CUL5: variants seen among roughly 807,000 people sequenced by gnomAD.
CUL5 encodes cullin 5, also known as cullin-5.
In CUL5, 26 loss-of-function variants were observed where a neutral mutation model predicts 108.8. The ratio of observed to expected loss-of-function variants is 0.24; its 90% confidence interval spans 0.18 to 0.33. The LOEUF (loss-of-function observed/expected upper bound fraction) is 0.33, where lower values mean the gene tolerates loss of function less well. CUL5 is among the 10% of genes least tolerant of loss of function. The pLI is 1.00. For synonymous variants in CUL5, 334 were observed against 298.0 expected, an observed-to-expected ratio of 1.12 and a Z score of -1.25; for missense variants, 524 against 909.2, an observed-to-expected ratio of 0.58 and a Z score of 5.45.
chr11:108,041,258 C>T (rs1328817388), intron 2 of CUL5, among the ~76,000 whole-genome samples: 1 of 151,748 alleles, frequency 6.6e-6, no homozygotes. Context: ...TTAATAATCT[C>T]ATTAGCTTCT....
At chr11:108,074,844 T>TAGGA (rs1863907895) in intron 10 of CUL5, among the ~76,000 whole-genome samples, 1 of 151,754 alleles carries the variant, frequency 6.6e-6, no homozygotes, top group Non-Finnish European at 1.5e-5. Context: ...AATAAGTAGG[T>TAGGA]AAAGTAGGAA....
intron 7 of CUL5, among the ~76,000 whole-genome samples, chr11:108,060,877 C>G (rs1157726326): frequency 1.3e-5 from 2 of 151,956 alleles, no homozygotes; most frequent in Admixed American, 1.3e-4. Flanking sequence ...CTACCTGTCT[C>G]ACCTTTCATT....
At chr11:108,082,528 T>C (rs1864116241) in intron 11 of CUL5, among the ~76,000 whole-genome samples, 1 of 152,124 alleles carries the variant, frequency 6.6e-6, no homozygotes, top group Admixed American at 6.6e-5. Flanking sequence ...TCTCCCACCT[T>C]AGCCCCTCAA....
chr11:108,099,906 AT>A (rs1264462296), intron 18 of CUL5, among the ~76,000 whole-genome samples: 205 of 146,756 alleles, frequency 1.4e-3, no homozygotes, highest in East Asian at 1.4e-3. Flanking sequence ...CAAAAAAAAA[AT>A]TTTTTTTTTT....
chr11:108,095,131 T>C (rs995884254), intron 15 of CUL5, 144 bp downstream of exon 15: 2 of 656,644 alleles, frequency 3.0e-6, no homozygotes, highest in African/African-American at 3.7e-5. Context: ...TTCATGAAGT[T>C]GATAGGGACA....
intron 14 of CUL5, 32 bp downstream of exon 14, chr11:108,094,546 T>G: frequency 8.7e-7 from 1 of 1,152,142 alleles, no homozygotes. Context: ...TATATATTTT[T>G]TAAACTTAGA....
At chr11:108,073,545 CATA>C in intron 10 of CUL5, 48 bp downstream of exon 10, 4 of 810,030 alleles carry the variant, frequency 4.9e-6, no homozygotes, top group Non-Finnish European at 7.6e-6. Context: ...GTTTTATTCT[CATA>C]ATTTACTTCT....
At position 108,095,512 on chromosome 11, in the gene CUL5, C is replaced by T. The variant is rs761501776; in HGVS notation, c.1744-18C>T. ...CATCATGAGATTCTTTATTAAAAAT[C>T]TGTTTTATCTATTATAGATAACATT... On this transcript the variant is annotated intron_variant, in intron 15 of 18. Transcript: ENST00000393094. 6.8e-7 allele frequency: 1 copy of T among 1,467,292 alleles called. No individual in the cohort carries two copies. Among genetic ancestry groups the T allele is most frequent in the South Asian group, 1.2e-5 (1 of 80,292 alleles). 90.9% of individuals were successfully genotyped at this position (1,467,292 alleles called of 1,614,324 possible). A position where few individuals can be genotyped will look rare whatever the true frequency, so the allele number is the denominator to read the frequency against.
At chr11:108,047,124 C>G (rs771143189) in intron 3 of CUL5, among the ~76,000 whole-genome samples, 1 of 152,008 alleles carries the variant, frequency 6.6e-6, no homozygotes, top group South Asian at 2.1e-4. Flanking sequence ...TTGATACCAG[C>G]CTGGGAAACA....
chr11:108,061,430 A>G (rs376609259), intron 7 of CUL5, among the ~76,000 whole-genome samples: 21 of 152,316 alleles, frequency 1.4e-4, no homozygotes, highest in South Asian at 8.3e-4. Context: ...TTTAATATAT[A>G]GAAATCTATA....
At chr11:108,049,245 TA>T (rs1471491388) in intron 3 of CUL5, among the ~76,000 whole-genome samples, 1 of 10,264 alleles carries the variant, frequency 9.7e-5, no homozygotes, top group Non-Finnish European at 7.9e-3. Context: ...CTTTTGTGAC[TA>T]GTTTTCTTTC....
intron 4 of CUL5, 60 bp from the exon 5 acceptor site, chr11:108,052,600 C>G: frequency 1.4e-6 from 2 of 1,465,020 alleles, no homozygotes; most frequent in Non-Finnish European, 1.9e-6. Context: ...GGTGTTTGTA[C>G]ATGATACTTT....
chr11:108,097,632 A>G lies in CUL5; in HGVS notation c.1906-4A>G, dbSNP rs1864533491. 3 of 1,553,416 alleles carry G rather than the reference A, an allele frequency of 1.9e-6. No individual in the cohort carries two copies. The highest frequency in any genetic ancestry group is 2.7e-6 in the Non-Finnish European group (3 of 1,125,390). On this transcript the variant is annotated splice_region_variant and splice_polypyrimidine_tract_variant and intron_variant, in intron 16 of 18. Transcript: ENST00000393094. ...GCTAATTGTTTTCTCCTTATTCTTC[A>G]TAGTCTTTAGTAGCTTTCCCAAAAC... is the stretch of plus-strand genomic sequence containing the variant.
chr11:108,024,703 CTT>C (rs1215341719), intron 1 of CUL5, among the ~76,000 whole-genome samples: 3 of 152,238 alleles, frequency 2.0e-5, no homozygotes, highest in South Asian at 2.1e-4. Flanking sequence ...CAAAAGAAGT[CTT>C]TTGTACAACA....
intron 1 of CUL5, among the ~76,000 whole-genome samples, chr11:108,021,856 T>C (rs1452023623): frequency 6.6e-6 from 1 of 152,042 alleles, no homozygotes; most frequent in Non-Finnish European, 1.5e-5. Context: ...ACTTTGTTCC[T>C]CAGGCTGGAA....
rs1219679819 is a variant in CUL5 at position 108,106,349 on chromosome 11, T to G, written c.*1965T>G. The G allele has an allele frequency of 2.0e-5, 3 of 152,556 alleles. No homozygotes were observed. Among genetic ancestry groups the G allele is most frequent in the African/African-American group, 7.2e-5 (3 of 41,442 alleles). The allele number at this position is 152,556 out of a possible 1,614,324, so 9.5% of individuals were successfully genotyped here. A position where few individuals can be genotyped will look rare whatever the true frequency, so the allele number is the denominator to read the frequency against. On this transcript the variant is annotated 3_prime_UTR_variant, in exon 19 of 19. Transcript: ENST00000393094. ...CAGAACTTTTTTGGAACTTCTAATT[T>G]TGGGTCATTTAATTTAAGAATGAGA...
chr11:108,050,635 T>G (rs1374021017), intron 4 of CUL5, among the ~76,000 whole-genome samples: 1 of 152,218 alleles, frequency 6.6e-6, no homozygotes. Context: ...CCGAAACTGT[T>G]GGAATTACAG....
chr11:108,094,745 C>A, intron 14 of CUL5, 67 bp from the exon 15 acceptor site: 1 of 1,251,078 alleles, frequency 8.0e-7, no homozygotes, highest in Non-Finnish European at 1.1e-6. Flanking sequence ...CCCAAAGTTA[C>A]CCTGTATTTA....
rs1300105464 is a variant in CUL5, at chr11:108,072,381, G to A, written c.924G>A (p.Glu308=). 1 of 1,612,136 alleles carries A rather than the reference G, an allele frequency of 6.2e-7. No individual in the cohort carries two copies. Among genetic ancestry groups the A allele is most frequent in the Non-Finnish European group, 8.5e-7 (1 of 1,178,610 alleles). ...TGGACAAAGTTCCTAATGGTATAGA[G>A]CCAATGTTGAAAGACTTGGAGGAAC... ...SLMDKVPNGI[E]PMLKDLEEHI... The change falls in exon 9 of 19, where the codon GAG becomes GAA. Residue 308 remains glutamate, a synonymous_variant. Coordinates refer to ENST00000393094, the MANE Select transcript of CUL5 (RefSeq NM_003478.6).
Sources: gnomAD v4.1 joint callset for allele counts (sites outside exome capture counted in the v4.1 genomes callset) on GRCh38, gnomAD v4.1.1 for gene constraint, MANE v1.5 for transcripts, NCBI Gene and HGNC (gene_info 2026-07-23, HGNC 2026-07-21) for gene names.